The following CTNNA2 variants were observed in gnomAD, a reference collection of about 807,000 sequenced individuals.
The protein encoded by CTNNA2 is catenin alpha-2.
CTNNA2 carries 42 observed loss-of-function variants against 101.0 expected under a neutral mutation model. The ratio of observed to expected loss-of-function variants is 0.42; its 90% confidence interval spans 0.32 to 0.54. The LOEUF (loss-of-function observed/expected upper bound fraction) is 0.54, where lower values mean the gene tolerates loss of function less well. CTNNA2 is among the 20% of genes least tolerant of loss of function. CTNNA2 has a pLI of 0.14. For synonymous variants in CTNNA2, 450 were observed against 456.4 expected (o/e 0.99, Z 0.18); for missense variants, 871 against 1,223.1 (o/e 0.71, Z 4.29).
At chr2:79,546,934 G>A (rs1199751650) in intron 1 of CTNNA2, among the ~76,000 whole-genome samples, 2 of 152,114 alleles carry the variant, frequency 1.3e-5, no homozygotes, top group Non-Finnish European at 2.9e-5. Context: ...CTTAAGGCCT[G>A]CTCAACAGTG....
chr2:80,367,786 A>G (rs938965015), intron 7 of CTNNA2, among the ~76,000 whole-genome samples: 9 of 152,076 alleles, frequency 5.9e-5, no homozygotes, highest in African/African-American at 1.4e-4. Flanking sequence ...TAGGGATTAC[A>G]TTCTCTTCTT....
chr2:79,371,004 G>A (rs76259069), intron 3 of CTNNA2, among the ~76,000 whole-genome samples: 43 of 152,200 alleles, frequency 2.8e-4, no homozygotes, highest in African/African-American at 1.0e-3. Flanking sequence ...CATGCACTGA[G>A]CTGATCAGCT....
intron 9 of CTNNA2, among the ~76,000 whole-genome samples, chr2:80,543,917 G>C (rs1445921179): frequency 2.0e-5 from 3 of 152,134 alleles, no homozygotes; most frequent in African/African-American, 7.2e-5. Context: ...CCTACCCCTT[G>C]CTGTCCTTCT....
chr2:80,368,867 G>GTATATATATA (rs1553505682), intron 7 of CTNNA2, among the ~76,000 whole-genome samples: 7,793 of 144,560 alleles, frequency 0.054, 264 homozygotes, highest in Non-Finnish European at 0.081. Flanking sequence ...GTGTGTGTGT[G>GTATATATATA]TATATATATA....
At position 80,558,787 on chromosome 2, in the gene CTNNA2, G is replaced by A. The variant is rs374744562; in HGVS notation, c.1741+2894G>A. On this transcript the variant is annotated intron_variant, in intron 12 of 18. Coordinates refer to ENST00000402739, the MANE Select transcript of CTNNA2 (RefSeq NM_001282597.3). The stretch of plus-strand genomic sequence containing the variant: ...AAGATGAGGAGAAAGAAGACAAAAT[G>A]TCATGGTTTTTGTTGTTGTTGTTGT... 2.9e-4 allele frequency among the ~76,000 whole-genome samples: 44 copies of A among 152,198 alleles called. No homozygotes were observed. In the Middle Eastern group the frequency reaches 0.01, roughly 35 times the overall value.
At chr2:79,705,311 A>C in intron 2 of CTNNA2, among the ~76,000 whole-genome samples, 1 of 152,202 alleles carries the variant, frequency 6.6e-6, no homozygotes, top group East Asian at 1.9e-4. Flanking sequence ...AGAAAGAGAG[A>C]GCGAGAAAGA....
At chr2:79,962,415 G>T (rs1223001938) in intron 7 of CTNNA2, among the ~76,000 whole-genome samples, 3 of 152,234 alleles carry the variant, frequency 2.0e-5, no homozygotes. Flanking sequence ...TCACACTGGG[G>T]ATGAGGTTTT....
chr2:79,841,992 T>C (rs1220434572), intron 3 of CTNNA2, among the ~76,000 whole-genome samples: 1 of 152,242 alleles, frequency 6.6e-6, no homozygotes, highest in Non-Finnish European at 1.5e-5. Flanking sequence ...GGTCTTTTTC[T>C]TTTGCATCTC....
intron 2 of CTNNA2, among the ~76,000 whole-genome samples, chr2:79,742,554 G>C (rs536563638): frequency 2.0e-5 from 3 of 152,122 alleles, no homozygotes; most frequent in African/African-American, 4.8e-5. Context: ...GTTCTTGGAA[G>C]AGTAACATGT....
intron 7 of CTNNA2, among the ~76,000 whole-genome samples, chr2:79,943,825 C>T (rs1192526590): frequency 6.6e-6 from 1 of 152,106 alleles, no homozygotes; most frequent in Non-Finnish European, 1.5e-5. Flanking sequence ...AAACAGTGTC[C>T]AAAAATTAAC....
chr2:80,565,316 G>T (rs1186080806), intron 12 of CTNNA2, among the ~76,000 whole-genome samples: 1 of 152,106 alleles, frequency 6.6e-6, no homozygotes, highest in Non-Finnish European at 1.5e-5. Context: ...CTAGGAGCAA[G>T]TTTATCAAAT....
Position 80,340,650 on chromosome 2 carries a change from T to A in CTNNA2, c.1057-52561T>A, listed in dbSNP as rs144719428. 2.0e-3 allele frequency among the ~76,000 whole-genome samples: 299 copies of A among 152,274 alleles called. 1 individual carries two copies. The highest frequency in any genetic ancestry group is 3.4e-3 in the Middle Eastern group (1 of 294). ...CACAGACTTAGAGTCTCATTCTATC[T>A]CCTGTGTGGGACCTAGAACTTGTTT... is the stretch of plus-strand genomic sequence containing the variant. On this transcript the variant is annotated intron_variant, in intron 7 of 18. Transcript: ENST00000402739.
At position 80,059,043 on chromosome 2, in the gene CTNNA2, A is replaced by C. The variant is rs74797317; in HGVS notation, c.1056+149246A>C. On this transcript the variant is annotated intron_variant, in intron 7 of 18. Coordinates refer to ENST00000402739, the MANE Select transcript of CTNNA2 (RefSeq NM_001282597.3). ...TGCTCTTATTCTTTAAAATGTATCA[A>C]ATTATTGTTAATAACACATTTTAAA... Among the ~76,000 whole-genome samples the C allele has an allele frequency of 1.3e-3, 193 of 152,290 alleles. 2 individuals are homozygous for C. In the East Asian group the frequency reaches 0.013, roughly 10 times the overall value.
At chr2:80,367,007 AT>A (rs3040569) in intron 7 of CTNNA2, among the ~76,000 whole-genome samples, 544 of 142,362 alleles carry the variant, frequency 3.8e-3, no homozygotes, top group African/African-American at 4.4e-3. Context: ...AAATGGTTGC[AT>A]TTTTTTTTTT....
At position 80,255,687 on chromosome 2, in the gene CTNNA2, T is replaced by C. The variant is rs534597609; in HGVS notation, c.1057-137524T>C. On this transcript the variant is annotated intron_variant, in intron 7 of 18. Coordinates refer to ENST00000402739, the MANE Select transcript of CTNNA2 (RefSeq NM_001282597.3). The stretch of plus-strand genomic sequence containing the variant: ...ATCCCACATTTCCCTGAGATAAAAA[T>C]AAGTTGAAAGAAAGCTATATTGGTG... 2.6e-5 allele frequency among the ~76,000 whole-genome samples: 4 copies of C among 152,234 alleles called. No individual in the cohort carries two copies. The East Asian group carries it at 7.7e-4, about 29-fold the overall frequency.
chr2:79,974,808 CATT>C (rs1690722508), intron 7 of CTNNA2, among the ~76,000 whole-genome samples: 1 of 152,094 alleles, frequency 6.6e-6, no homozygotes, highest in Non-Finnish European at 1.5e-5. Context: ...AATGCTAAGA[CATT>C]AATCAATGAG....
At chr2:80,051,689 C>T (rs1032467434) in intron 7 of CTNNA2, among the ~76,000 whole-genome samples, 2 of 152,104 alleles carry the variant, frequency 1.3e-5, no homozygotes, top group African/African-American at 2.4e-5. Flanking sequence ...AGAAAAGGAA[C>T]TCTTTTTCCC....
chr2:79,781,267 G>C (rs1402643571), intron 3 of CTNNA2, among the ~76,000 whole-genome samples: 5 of 152,136 alleles, frequency 3.3e-5, no homozygotes, highest in Admixed American at 3.3e-4. Flanking sequence ...TAGCAGTGAG[G>C]ACGACCAGAG....
intron 12 of CTNNA2, among the ~76,000 whole-genome samples, chr2:80,565,111 G>A (rs377087826): frequency 1.2e-4 from 18 of 150,382 alleles, no homozygotes; most frequent in African/African-American, 4.3e-4. Context: ...ATGAAACTGG[G>A]TGGCTGAGTA....
Sources: gnomAD v4.1 joint callset for allele counts (sites outside exome capture counted in the v4.1 genomes callset) on GRCh38, gnomAD v4.1.1 for gene constraint, MANE v1.5 for transcripts, NCBI Gene and HGNC (gene_info 2026-07-23, HGNC 2026-07-21) for gene names.